CRISP3: variants seen among roughly 807,000 people sequenced by gnomAD.
CRISP3 encodes the protein cysteine rich secretory protein 3.
In CRISP3, 33 loss-of-function variants were observed where a neutral mutation model predicts 36.1. The observed-to-expected ratio is 0.91, with a 90% CI of 0.69 to 1.22. CRISP3 has a LOEUF of 1.22. CRISP3 is among the 50% of genes most tolerant of loss of function. CRISP3 has a pLI of 0.00. For synonymous variants in CRISP3, 117 were observed against 104.6 expected (o/e 1.12, Z -0.72); for missense variants, 330 against 301.2 (o/e 1.10, Z -0.71).
In CRISP3 at chr6:49,727,525, A is replaced by G. The variant is rs1768795257; in HGVS notation, c.*1205T>C. ...ACATTACCCTGCTATATTTATCAAG[A>G]TTAAGAAATCAACACTACTGTTAAA... On this transcript the variant is annotated 3_prime_UTR_variant, in exon 8 of 8. Coordinates refer to ENST00000263045, the MANE Select transcript of CRISP3 (RefSeq NM_006061.4). 2 of 152,092 alleles carry G rather than the reference A, an allele frequency of 1.3e-5. 1 individual carries two copies. The highest frequency in any genetic ancestry group is 1.3e-4 in the Admixed American group (2 of 15,280). The allele number at this position is 152,092 out of a possible 1,614,324, so 9.4% of individuals were successfully genotyped here. A position where few individuals can be genotyped will look rare whatever the true frequency, so the allele number is the denominator to read the frequency against.
chr6:49,738,649 G>C (rs1432820374), intron 1 of CRISP3, among the ~76,000 whole-genome samples: 1 of 152,076 alleles, frequency 6.6e-6, no homozygotes, highest in Non-Finnish European at 1.5e-5. Context: ...CCCAGAGGAA[G>C]AGCTTTCCAC....
chr6:49,736,393 T>A lies in CRISP3; in HGVS notation c.226A>T (p.Met76Leu), dbSNP rs766521556. 3 of 1,604,014 alleles carry A rather than the reference T, an allele frequency of 1.9e-6. No homozygotes were observed. The Admixed American group carries it at 5.0e-5, about 27-fold the overall frequency. ...TCCTTTGCAATATCACCTCTTACCA[T>A]CTTCAGCATGTTTCTGGCAGGGGGA... ...VSPPARNMLK[M>L]EWNKEAAANA... Residue 76 changes from methionine to leucine, a missense_variant and splice_region_variant, in exon 3 of 8, where the codon ATG becomes TTG. Physicochemically the swap from Met to Leu is conservative, Grantham distance 15. Transcript: ENST00000263045.
Position 49,728,003 on chromosome 6 carries a change from A to T in CRISP3, c.*727T>A, listed in dbSNP as rs906220443. 43 of 152,130 alleles carry T rather than the reference A, an allele frequency of 2.8e-4. No homozygotes were observed. Among genetic ancestry groups the T allele is most frequent in the African/African-American group, 1.0e-3 (43 of 41,432 alleles). The allele number at this position is 152,130 out of a possible 1,614,324, so 9.4% of individuals were successfully genotyped here. On this transcript the variant is annotated 3_prime_UTR_variant, in exon 8 of 8. Coordinates refer to ENST00000263045, the MANE Select transcript of CRISP3 (RefSeq NM_006061.4). ...TGAAGACTCACAAGGGAGAGGACTGAGTTCTACCTCCTTGAGTGGAGGGTA... is the reference window on the plus strand; with the variant it reads ...TGAAGACTCACAAGGGAGAGGACTGTGTTCTACCTCCTTGAGTGGAGGGTA...
intron 4 of CRISP3, among the ~76,000 whole-genome samples, chr6:49,734,669 G>A (rs969062249): frequency 3.7e-4 from 57 of 152,054 alleles, no homozygotes; most frequent in African/African-American, 1.3e-3. Flanking sequence ...CAATCTTCTC[G>A]TGACCATAGT....
intron 4 of CRISP3, 117 bp downstream of exon 4, chr6:49,735,387 G>T: frequency 5.5e-6 from 4 of 721,986 alleles, no homozygotes; most frequent in South Asian, 5.2e-5. Context: ...AGTCCATATT[G>T]AAAAAGGTAG....
intron 5 of CRISP3, 41 bp downstream of exon 5, chr6:49,733,662 G>A (rs372524501): frequency 1.3e-6 from 2 of 1,534,818 alleles, no homozygotes; most frequent in Non-Finnish European, 1.8e-6. Flanking sequence ...TTTTTTTTAG[G>A]GCACTTATAA....
chr6:49,739,116 C>T (rs919601255), intron 1 of CRISP3, among the ~76,000 whole-genome samples: 13 of 152,144 alleles, frequency 8.5e-5, no homozygotes, highest in Non-Finnish European at 1.8e-4. Flanking sequence ...ATAACTTAAC[C>T]TGGCCCTGCT....
intron 1 of CRISP3, among the ~76,000 whole-genome samples, chr6:49,743,202 T>C (rs1443290661): frequency 2.0e-5 from 3 of 152,088 alleles, no homozygotes; most frequent in Non-Finnish European, 4.4e-5. Flanking sequence ...ATGAATTCCC[T>C]CCCTTTTACT....
chr6:49,741,147 C>A (rs1323789460), intron 1 of CRISP3, among the ~76,000 whole-genome samples: 126 of 76,810 alleles, frequency 1.6e-3, no homozygotes, highest in East Asian at 6.1e-3. Flanking sequence ...CAAAAAAAAA[C>A]CACCAAAAAA....
chr6:49,733,658 T>C (rs190904139), intron 5 of CRISP3, 45 bp downstream of exon 5: 1 of 1,543,072 alleles, frequency 6.5e-7, no homozygotes, highest in African/African-American at 1.4e-5. Flanking sequence ...TCCTTTTTTT[T>C]TAGGGCACTT....
At chr6:49,730,123 A>C (rs1341250079) in intron 7 of CRISP3, among the ~76,000 whole-genome samples, 1 of 152,126 alleles carries the variant, frequency 6.6e-6, no homozygotes, top group East Asian at 1.9e-4. Flanking sequence ...TTGAAAGGTA[A>C]AAATCTCAAT....
intron 3 of CRISP3, among the ~76,000 whole-genome samples, chr6:49,736,142 A>G (rs1769045414): frequency 6.6e-6 from 1 of 152,164 alleles, no homozygotes; most frequent in Admixed American, 6.6e-5. Context: ...ATGGCTTTTC[A>G]CCGTATGTCC....
chr6:49,740,138 A>G (rs1272049581), intron 1 of CRISP3, among the ~76,000 whole-genome samples: 1 of 152,224 alleles, frequency 6.6e-6, no homozygotes, highest in Non-Finnish European at 1.5e-5. Context: ...AAACTGTAAC[A>G]TACTGTGCCT....
intron 1 of CRISP3, among the ~76,000 whole-genome samples, chr6:49,738,071 T>C (rs1769105510): frequency 6.6e-6 from 1 of 152,184 alleles, no homozygotes; most frequent in African/African-American, 2.4e-5. Context: ...GGCAACATTT[T>C]TTTCCTCTGG....
chr6:49,739,458 G>A (rs1256296979), intron 1 of CRISP3, among the ~76,000 whole-genome samples: 1 of 152,130 alleles, frequency 6.6e-6, no homozygotes, highest in African/African-American at 2.4e-5. Context: ...TTTCTCATGT[G>A]TGCAAAAGAG....
In CRISP3 at chr6:49,728,634, T is replaced by G; in HGVS notation, c.*96A>C. 9.7e-7 allele frequency: 1 copy of G among 1,033,604 alleles called. No homozygotes were observed. The highest frequency in any genetic ancestry group is 1.3e-6 in the Non-Finnish European group (1 of 765,764). The allele number at this position is 1,033,604 out of a possible 1,614,324, so 64.0% of individuals were successfully genotyped here. A position where few individuals can be genotyped will look rare whatever the true frequency, so the allele number is the denominator to read the frequency against. ...AATGTGTATCAAACATGCCTACAATTTCTCAGCTAGTATATGTTAAATCTA... is the reference window on the plus strand; with the variant it reads ...AATGTGTATCAAACATGCCTACAATGTCTCAGCTAGTATATGTTAAATCTA... On this transcript the variant is annotated 3_prime_UTR_variant, in exon 8 of 8. Coordinates refer to ENST00000263045, the MANE Select transcript of CRISP3 (RefSeq NM_006061.4).
At chr6:49,729,590 C>T (rs1017255681) in intron 7 of CRISP3, among the ~76,000 whole-genome samples, 1 of 152,140 alleles carries the variant, frequency 6.6e-6, no homozygotes, top group African/African-American at 2.4e-5. Context: ...ACTTCGTTCA[C>T]CCAGTTTCAG....
At chr6:49,734,327 A>C (rs1212297095) in intron 4 of CRISP3, among the ~76,000 whole-genome samples, 1 of 152,180 alleles carries the variant, frequency 6.6e-6, no homozygotes, top group Non-Finnish European at 1.5e-5. Flanking sequence ...TTTTTTAAAA[A>C]GTCTTATGCT....
intron 3 of CRISP3, 128 bp downstream of exon 3, chr6:49,736,263 T>C: frequency 1.5e-6 from 1 of 684,736 alleles, no homozygotes; most frequent in East Asian, 2.5e-5. Context: ...ATTACACAGC[T>C]CAAATGAAAC....
Sources: gnomAD v4.1 joint callset for allele counts (sites outside exome capture counted in the v4.1 genomes callset) on GRCh38, gnomAD v4.1.1 for gene constraint, MANE v1.5 for transcripts, NCBI Gene and HGNC (gene_info 2026-07-23, HGNC 2026-07-21) for gene names.